The following RALB variants were observed in gnomAD, a reference collection of about 807,000 sequenced individuals.
The protein encoded by RALB is ras-related protein Ral-B.
Under a neutral mutation model 21.3 loss-of-function variants are expected in RALB, and 16 were observed. That is an observed-to-expected ratio of 0.75 (90% confidence interval 0.51 to 1.14). The LOEUF (loss-of-function observed/expected upper bound fraction) is 1.14. Ranked by LOEUF, RALB falls within the 50% of genes most tolerant of loss-of-function variation. RALB has a pLI of 0.00. For synonymous variants in RALB, 93 were observed against 96.1 expected, an observed-to-expected ratio of 0.97 and a Z score of 0.19; for missense variants, 161 against 256.2, an observed-to-expected ratio of 0.63 and a Z score of 2.54.
intron 1 of RALB, among the ~76,000 whole-genome samples, chr2:120,255,627 A>G (rs1339234218): frequency 6.6e-6 from 1 of 152,236 alleles, no homozygotes; most frequent in Non-Finnish European, 1.5e-5. Context: ...GGAAAGAAAG[A>G]TGAAGAGGAT....
rs143007444 is a variant in RALB at position 120,241,523 on chromosome 2, C to T, written c.19+1398C>T. Among the ~76,000 whole-genome samples the T allele has an allele frequency of 9.9e-3, 1,511 of 152,234 alleles. 22 individuals carry two copies. Among genetic ancestry groups the T allele is most frequent in the Non-Finnish European group, 0.015 (1,025 of 68,008 alleles). Reference sequence around the variant, plus strand: ...GGCGGATCACCTGAGGTCAGGAGTTCGAGACCAGCCTGGCCAACATGGCAA... The same window carrying T: ...GGCGGATCACCTGAGGTCAGGAGTTTGAGACCAGCCTGGCCAACATGGCAA... On this transcript the variant is annotated intron_variant, in intron 1 of 3. Coordinates refer to the RALB transcript ENST00000447591.
intron 1 of RALB, among the ~76,000 whole-genome samples, chr2:120,262,765 A>C (rs1689398723): frequency 6.6e-6 from 1 of 152,238 alleles, no homozygotes; most frequent in Non-Finnish European, 1.5e-5. Context: ...GGACATCCTG[A>C]AATGCCCATT....
intron 2 of RALB, among the ~76,000 whole-genome samples, chr2:120,281,982 C>T (rs1690000918): frequency 6.6e-6 from 1 of 152,096 alleles, no homozygotes; most frequent in African/African-American, 2.4e-5. Context: ...GCATCTAGTG[C>T]GTGGAGGCCA....
At chr2:120,249,445 T>C (rs766617061), upstream of RALB, among the ~76,000 whole-genome samples, 2 of 152,214 alleles carry the variant, frequency 1.3e-5, no homozygotes, top group South Asian at 2.1e-4. Flanking sequence ...ACAGGAGGCA[T>C]AGCACTGGCA....
At chr2:120,278,017 GTGAA>G (rs1459423638) in intron 1 of RALB, among the ~76,000 whole-genome samples, 1 of 132,148 alleles carries the variant, frequency 7.6e-6, no homozygotes, top group East Asian at 2.0e-4. Flanking sequence ...GTGAGCATGT[GTGAA>G]TGTGAATGTG....
rs115901858 is a variant in RALB, at chr2:120,240,126, G to A, written c.19+1G>A. 1,305 of 1,289,704 alleles carry A rather than the reference G, an allele frequency of 1.0e-3. 8 individuals are homozygous for A. In the African/African-American group the frequency reaches 0.015, roughly 15 times the overall value. The allele number at this position is 1,289,704 out of a possible 1,614,324, so 79.9% of individuals were successfully genotyped here. ...CTCTGCATGAAACAGCGGCAGTCAG[G>A]TGGGTGCCCGCCCTCGGTGTGGATT... is the stretch of plus-strand genomic sequence containing the variant. On this transcript the variant is annotated splice_donor_variant, in intron 1 of 3. Transcript: ENST00000447591. LOFTEE classifies it high-confidence loss of function.
At chr2:120,272,328 G>C (rs559433904) in intron 1 of RALB, among the ~76,000 whole-genome samples, 4 of 152,202 alleles carry the variant, frequency 2.6e-5, no homozygotes, top group African/African-American at 9.6e-5. Context: ...AGTGAATTCA[G>C]TGGGGGAAGT....
chr2:120,282,137 G>A (rs73948781), intron 2 of RALB, among the ~76,000 whole-genome samples: 3,447 of 152,240 alleles, frequency 0.023, 138 homozygotes, highest in African/African-American at 0.079. Flanking sequence ...CCCCTACAGT[G>A]TTAGTGATTG....
chr2:120,260,612 C>T (rs971411466), intron 1 of RALB, among the ~76,000 whole-genome samples: 26 of 152,156 alleles, frequency 1.7e-4, no homozygotes, highest in African/African-American at 2.4e-4. Context: ...TGGCAAGTGG[C>T]GCCGAGAAAG....
At chr2:120,277,690 A>AGT (rs879497706) in intron 1 of RALB, among the ~76,000 whole-genome samples, 35,873 of 148,526 alleles carry the variant, frequency 0.24, 6,610 homozygotes, top group African/African-American at 0.53. Flanking sequence ...TATGAGTGAA[A>AGT]GTGTGTATGT....
chr2:120,250,206 G>GT (rs1689033388), upstream of RALB, among the ~76,000 whole-genome samples: 1 of 152,212 alleles, frequency 6.6e-6, no homozygotes, highest in Non-Finnish European at 1.5e-5. Flanking sequence ...GCTATGTGCA[G>GT]TAACAAACAA....
In RALB at chr2:120,255,765, C is replaced by T. The variant is rs6752621; in HGVS notation, c.-48+2785C>T. On this transcript the variant is annotated intron_variant, in intron 1 of 4. Coordinates refer to ENST00000272519, the MANE Select transcript of RALB (RefSeq NM_002881.3). ...GCTGCTTATAATTTTCCTTAGTGTT[C>T]TCCTGGCTGTTTTTGTTTTTGGTGA... 4.0e-3 allele frequency among the ~76,000 whole-genome samples: 616 copies of T among 152,274 alleles called. 3 individuals are homozygous for T. The highest frequency in any genetic ancestry group is 0.014 in the African/African-American group (576 of 41,544).
chr2:120,277,075 G>A (rs184305987), intron 1 of RALB, among the ~76,000 whole-genome samples: 1,672 of 152,212 alleles, frequency 0.011, 30 homozygotes, highest in African/African-American at 0.037. Context: ...CCATAATACT[G>A]GAGTTGCTCT....
intron 1 of RALB, among the ~76,000 whole-genome samples, chr2:120,267,478 G>A (rs1689532904): frequency 2.0e-5 from 3 of 152,170 alleles, no homozygotes; most frequent in African/African-American, 7.2e-5. Flanking sequence ...CTACACAAGG[G>A]AAGGGGAACT....
chr2:120,252,927 G>A lies in RALB; in HGVS notation c.-101G>A. ...CCGGCCCCGGGAGGGGGCGGGGCGC[G>A]TTTAAGAGCTGCGGGCCGGGTGCGG... On this transcript the variant is annotated 5_prime_UTR_variant, in exon 1 of 5. Coordinates refer to ENST00000272519, the MANE Select transcript of RALB (RefSeq NM_002881.3). 2.0e-6 allele frequency: 2 copies of A among 985,608 alleles called. No homozygotes were observed. Among genetic ancestry groups the A allele is most frequent in the Non-Finnish European group, 1.2e-6 (1 of 830,148 alleles). The allele number at this position is 985,608 out of a possible 1,614,324, so 61.1% of individuals were successfully genotyped here.
intron 1 of RALB, among the ~76,000 whole-genome samples, chr2:120,244,413 G>C (rs1172480868): frequency 6.6e-6 from 1 of 152,222 alleles, no homozygotes; most frequent in Non-Finnish European, 1.5e-5. Flanking sequence ...ATCATTACCT[G>C]CTGTGATGGC....
chr2:120,254,813 G>C (rs561829728), intron 1 of RALB, among the ~76,000 whole-genome samples: 56 of 152,046 alleles, frequency 3.7e-4, no homozygotes, highest in Non-Finnish European at 6.0e-4. Context: ...GAGTAGCTTG[G>C]TACAGTCTTG....
chr2:120,253,303 C>A lies in RALB; in HGVS notation c.-48+323C>A, dbSNP rs951812944. 7.5e-6 allele frequency: 6 copies of A among 802,278 alleles called. No individual in the cohort carries two copies. In the East Asian group the frequency reaches 3.8e-4, roughly 50 times the overall value. The allele number at this position is 802,278 out of a possible 1,614,324, so 49.7% of individuals were successfully genotyped here. A position where few individuals can be genotyped will look rare whatever the true frequency, so the allele number is the denominator to read the frequency against. On this transcript the variant is annotated intron_variant, in intron 1 of 4. Transcript: ENST00000272519. ...CTTCCACTTCCTGCCGCGGGCCTCC[C>A]GCTCGGGACCGTCCACTTCCTCAGT... is the stretch of plus-strand genomic sequence containing the variant.
At chr2:120,281,885 A>T (rs1012337379) in intron 2 of RALB, among the ~76,000 whole-genome samples, 2 of 152,102 alleles carry the variant, frequency 1.3e-5, no homozygotes, top group African/African-American at 4.8e-5. Flanking sequence ...AACAGAGGTG[A>T]GAGAGGGGGA....
Sources: allele counts gnomAD v4.1 joint callset (sites outside exome capture counted in the v4.1 genomes callset), GRCh38; gene constraint gnomAD v4.1.1; transcripts MANE v1.5; gene names NCBI Gene and HGNC (gene_info 2026-07-23, HGNC 2026-07-21).